EEF1AKMT1: variants seen among roughly 807,000 people sequenced by gnomAD.
EEF1AKMT1 encodes the protein N-6 adenine-specific DNA methyltransferase 2 (putative).
Under a neutral mutation model 21.0 loss-of-function variants are expected in EEF1AKMT1, and 18 were observed. The observed-to-expected ratio is 0.86, with a 90% CI of 0.59 to 1.27. The LOEUF (loss-of-function observed/expected upper bound fraction) is 1.27, where lower values mean the gene tolerates loss of function less well. Ranked by LOEUF, EEF1AKMT1 falls within the 50% of genes most tolerant of loss-of-function variation. The pLI, the probability that EEF1AKMT1 is intolerant of heterozygous loss-of-function variation, is 0.00. For synonymous variants in EEF1AKMT1, 109 were observed against 94.8 expected (o/e 1.15, Z -0.87); for missense variants, 246 against 258.6 (o/e 0.95, Z 0.33).
At chr13:20,733,724 A>C (rs77543007) in intron 3 of EEF1AKMT1, among the ~76,000 whole-genome samples, 1 of 152,296 alleles carries the variant, frequency 6.6e-6, no homozygotes, top group East Asian at 1.9e-4. Context: ...CTCATGGGAG[A>C]GTGCCTGGGG....
intron 1 of EEF1AKMT1, among the ~76,000 whole-genome samples, chr13:20,760,157 G>A (rs2058993725): frequency 6.7e-6 from 1 of 149,560 alleles, no homozygotes; most frequent in African/African-American, 2.5e-5. Context: ...GCAAGGATAT[G>A]AGAAAAGGGA....
intron 1 of EEF1AKMT1, among the ~76,000 whole-genome samples, chr13:20,767,024 G>A (rs1430265863): frequency 6.6e-6 from 1 of 151,820 alleles, no homozygotes; most frequent in East Asian, 1.9e-4. Flanking sequence ...TCCAGATGGT[G>A]GGCCAGGCGC....
intron 1 of EEF1AKMT1, among the ~76,000 whole-genome samples, chr13:20,763,807 C>T (rs985537940): frequency 4.6e-5 from 7 of 152,104 alleles, no homozygotes; most frequent in Admixed American, 6.6e-5. Flanking sequence ...AATACTTACA[C>T]GGCTATTCAC....
rs2059057823 is a variant in EEF1AKMT1 at position 20,770,620 on chromosome 13, G to A, written c.-20+3301C>T. Among the ~76,000 whole-genome samples the A allele has an allele frequency of 2.0e-5, 3 of 152,124 alleles. 1 individual carries two copies. The South Asian group carries it at 6.2e-4, about 32-fold the overall frequency. ...CTGAGAAAACATGGCAAAATGATCT[G>A]CAAACAACTAAAAGGTTTCAATTTG... On this transcript the variant is annotated intron_variant, in intron 1 of 4. Coordinates refer to ENST00000382758, the MANE Select transcript of EEF1AKMT1 (RefSeq NM_001318939.2).
intron 2 of EEF1AKMT1, among the ~76,000 whole-genome samples, chr13:20,752,054 G>A (rs555873552): frequency 2.0e-5 from 3 of 152,088 alleles, no homozygotes; most frequent in Admixed American, 6.5e-5. Flanking sequence ...GAGTCTTTAG[G>A]TTTCTCTAGG....
At chr13:20,767,581 T>C (rs1307576566) in intron 1 of EEF1AKMT1, among the ~76,000 whole-genome samples, 1 of 152,094 alleles carries the variant, frequency 6.6e-6, no homozygotes, top group East Asian at 1.9e-4. Flanking sequence ...ATGTCTTTCT[T>C]TTCTAATGGT....
rs1408368470 is a variant in EEF1AKMT1, at chr13:20,729,141, T to C, written c.584A>G (p.Asn195Ser). ...MCTFVPRHTR[N>S]LANEFRCYVN... ...ATAACAGCGAAACTCATTTGCCAAG[T>C]TCCGGGTGTGTCTTGGAACAAACGT... The change falls in exon 5 of 5, where the codon AAC becomes AGC. Residue 195 changes from asparagine to serine, a missense_variant. Coordinates refer to ENST00000382758, the MANE Select transcript of EEF1AKMT1 (RefSeq NM_001318939.2). 3 of 1,614,096 alleles carry C rather than the reference T, an allele frequency of 1.9e-6. No individual in the cohort carries two copies. The highest frequency in any genetic ancestry group is 2.7e-5 in the African/African-American group (2 of 74,932).
At chr13:20,760,032 G>C (rs1016067380) in intron 1 of EEF1AKMT1, among the ~76,000 whole-genome samples, 1 of 150,950 alleles carries the variant, frequency 6.6e-6, no homozygotes, top group African/African-American at 2.4e-5. Context: ...GCGAACCCGG[G>C]AGGCGGAGCT....
chr13:20,763,179 T>C (rs999771384), intron 1 of EEF1AKMT1, among the ~76,000 whole-genome samples: 4 of 152,184 alleles, frequency 2.6e-5, no homozygotes, highest in African/African-American at 9.7e-5. Context: ...AAATGTCTCC[T>C]CTTCTATTTT....
chr13:20,751,441 C>G (rs1339870592), intron 2 of EEF1AKMT1, among the ~76,000 whole-genome samples: 1 of 151,938 alleles, frequency 6.6e-6, no homozygotes, highest in Non-Finnish European at 1.5e-5. Flanking sequence ...TTCCCCTTGG[C>G]ACCTTTGTCA....
intron 2 of EEF1AKMT1, among the ~76,000 whole-genome samples, chr13:20,746,685 G>GT (rs142835086): frequency 0.093 from 14,174 of 152,196 alleles, 807 homozygotes; most frequent in Non-Finnish European, 0.13. Flanking sequence ...CACAATGATA[G>GT]ATTTTGGCTC....
At chr13:20,731,736 T>G in intron 4 of EEF1AKMT1, 105 bp downstream of exon 4, 1 of 1,177,336 alleles carries the variant, frequency 8.5e-7, no homozygotes, top group Non-Finnish European at 1.2e-6. Context: ...AATAACTTGT[T>G]CACAAGTCAC....
At chr13:20,772,011 CA>C (rs56004404) in intron 1 of EEF1AKMT1, among the ~76,000 whole-genome samples, 3 of 148,136 alleles carry the variant, frequency 2.0e-5, no homozygotes. Context: ...GACTACATTT[CA>C]AAAAAAAAAA....
intron 2 of EEF1AKMT1, among the ~76,000 whole-genome samples, chr13:20,753,516 G>A (rs1024815597): frequency 6.6e-6 from 1 of 152,128 alleles, no homozygotes; most frequent in Non-Finnish European, 1.5e-5. Flanking sequence ...TCTATCTAAT[G>A]TTGGAGTATC....
At chr13:20,764,274 T>C (rs1454736749) in intron 1 of EEF1AKMT1, among the ~76,000 whole-genome samples, 1 of 152,206 alleles carries the variant, frequency 6.6e-6, no homozygotes, top group South Asian at 2.1e-4. Context: ...TTCATTCAGT[T>C]CAGTGTACTT....
chr13:20,730,509 AT>A lies in EEF1AKMT1; in HGVS notation c.509-1294del, dbSNP rs568200574. 3.1e-3 allele frequency among the ~76,000 whole-genome samples: 476 copies of A among 151,956 alleles called. 1 individual carries two copies. Among genetic ancestry groups the A allele is most frequent in the African/African-American group, 0.011 (462 of 41,460 alleles). Reference sequence around the variant, plus strand: ...AGTTGGTAAGGTTTCAGTTCTCAGAATTTTTTTTTCTTTGAGACAATCTTGC... The same window carrying A: ...AGTTGGTAAGGTTTCAGTTCTCAGAATTTTTTTTCTTTGAGACAATCTTGC... On this transcript the variant is annotated intron_variant, in intron 4 of 4. Transcript: ENST00000382758.
At chr13:20,737,005 ATT>A (rs1485226038) in intron 3 of EEF1AKMT1, among the ~76,000 whole-genome samples, 1 of 150,748 alleles carries the variant, frequency 6.6e-6, no homozygotes, top group Non-Finnish European at 1.5e-5. Context: ...AAGTGCTGGG[ATT>A]TCAAGCATGA....
rs185179153 is a variant in EEF1AKMT1 at position 20,773,207 on chromosome 13, T to C, written c.-20+714A>G. 1.1e-4 allele frequency among the ~76,000 whole-genome samples: 17 copies of C among 152,292 alleles called. No individual in the cohort carries two copies. In the East Asian group the frequency reaches 3.1e-3, roughly 28 times the overall value. The stretch of plus-strand genomic sequence containing the variant: ...AAAGGAGGTAATGCTTACAATGAAA[T>C]GCAGGTCGTACGTGTGCAGTGCGAC... On this transcript the variant is annotated intron_variant, in intron 1 of 4. Transcript: ENST00000382758.
chr13:20,757,360 T>C, intron 2 of EEF1AKMT1, 95 bp downstream of exon 2: 1 of 1,420,546 alleles, frequency 7.0e-7, no homozygotes, highest in East Asian at 2.3e-5. Flanking sequence ...GTGACAGAGA[T>C]TCCGGTTTTA....
Sources: allele counts gnomAD v4.1 joint callset (sites outside exome capture counted in the v4.1 genomes callset), GRCh38; gene constraint gnomAD v4.1.1; transcripts MANE v1.5; gene names NCBI Gene and HGNC (gene_info 2026-07-23, HGNC 2026-07-21).